The following ARHGAP29 variants were observed in gnomAD, a reference collection of about 807,000 sequenced individuals.
ARHGAP29 encodes rho GTPase-activating protein 29.
A neutral mutation model predicts 122.6 loss-of-function variants in ARHGAP29; 43 were observed. That is an observed-to-expected ratio of 0.35 (90% CI 0.27 to 0.45). The LOEUF is 0.45. Ranked by LOEUF, ARHGAP29 falls within the 20% of genes least tolerant of loss-of-function variation. The pLI is 1.00. For missense variants in ARHGAP29, 1,303 were observed against 1,477.2 expected (o/e 0.88, Z 1.93); for synonymous variants, 506 against 497.1 (o/e 1.02, Z -0.24).
At chr1:94,292,003 T>G in the ARHGAP29 span, among the ~76,000 whole-genome samples, 1 of 152,196 alleles carries the variant, frequency 6.6e-6, no homozygotes, top group African/African-American at 2.4e-5. Flanking sequence ...TGGCCTGCCT[T>G]GCTAGGTTGG....
intron 12 of ARHGAP29, among the ~76,000 whole-genome samples, chr1:94,197,915 C>A (rs927837025): frequency 6.6e-6 from 1 of 152,182 alleles, no homozygotes; most frequent in African/African-American, 2.4e-5. Context: ...GAGTGCTTTT[C>A]CCCTAAGATG....
At chr1:94,189,617 T>TG (rs1304131890) in intron 13 of ARHGAP29, among the ~76,000 whole-genome samples, 3 of 152,166 alleles carry the variant, frequency 2.0e-5, no homozygotes, top group Non-Finnish European at 4.4e-5. Context: ...TTTTCTAGCA[T>TG]GACCTCTGTG....
intron 1 of ARHGAP29, among the ~76,000 whole-genome samples, chr1:94,272,967 G>A (rs1655047152): frequency 6.6e-6 from 1 of 152,198 alleles, no homozygotes; most frequent in Admixed American, 6.5e-5. Flanking sequence ...AACTTAGCAT[G>A]TAAATGTCCC....
Position 94,171,071 on chromosome 1 carries a change from CTGACTA to C in ARHGAP29, c.*2792_*2797del, listed in dbSNP as rs1224151947. Among the ~76,000 whole-genome samples, 1 of 152,150 alleles carries C rather than the reference CTGACTA, an allele frequency of 6.6e-6. No individual in the cohort carries two copies. The highest frequency in any genetic ancestry group is 1.9e-4 in the East Asian group (1 of 5,192). On this transcript the variant is annotated 3_prime_UTR_variant, in exon 23 of 23. Transcript: ENST00000260526. The stretch of plus-strand genomic sequence containing the variant: ...GGAAAGAAAAACCCACAGAATTCCA[CTGACTA>C]TAAGTTATTTAACAATATACAATGG...
At chr1:94,304,378 A>T in the ARHGAP29 span, among the ~76,000 whole-genome samples, 109 of 152,248 alleles carry the variant, frequency 7.2e-4, no homozygotes, top group African/African-American at 2.6e-3. Flanking sequence ...GGGCTCAAGA[A>T]ATCCTCCTGC....
At chr1:94,289,292 T>C in the ARHGAP29 span, among the ~76,000 whole-genome samples, 1 of 152,312 alleles carries the variant, frequency 6.6e-6, no homozygotes, top group South Asian at 2.1e-4. Flanking sequence ...TCTCTGTTTG[T>C]CTGTTCTTGG....
At chr1:94,219,476 C>T (rs1192572601) in intron 3 of ARHGAP29, among the ~76,000 whole-genome samples, 3 of 152,154 alleles carry the variant, frequency 2.0e-5, no homozygotes, top group African/African-American at 4.8e-5. Flanking sequence ...CAACCTGTGT[C>T]GTTCTGTCAA....
At chr1:94,258,670 G>A (rs1654451583) in intron 1 of ARHGAP29, among the ~76,000 whole-genome samples, 1 of 152,140 alleles carries the variant, frequency 6.6e-6, no homozygotes, top group Non-Finnish European at 1.5e-5. Flanking sequence ...GTTGTTCAAG[G>A]CCTTAGTAAT....
chr1:94,186,673 G>T, intron 15 of ARHGAP29, 76 bp from the exon 16 acceptor site: 1 of 1,059,796 alleles, frequency 9.4e-7, no homozygotes, highest in Non-Finnish European at 1.4e-6. Context: ...CAACACTTTT[G>T]AAATAACACG....
intron 15 of ARHGAP29, 90 bp downstream of exon 15, chr1:94,188,747 T>C: frequency 9.3e-7 from 1 of 1,079,860 alleles, no homozygotes; most frequent in East Asian, 2.4e-5. Flanking sequence ...TGTGTGAAAG[T>C]TCACTATAAA....
Position 94,173,633 on chromosome 1 carries a change from C to T in ARHGAP29, c.*236G>A. ...AAAATACGAATCCACCTATCTTATT[C>T]ACAACTTTAAAAATACAGAATTTAA... On this transcript the variant is annotated 3_prime_UTR_variant, in exon 23 of 23. Coordinates refer to ENST00000260526, the MANE Select transcript of ARHGAP29 (RefSeq NM_004815.4). 1 of 444,278 alleles carries T rather than the reference C, an allele frequency of 2.3e-6. No homozygotes were observed. Among genetic ancestry groups the T allele is most frequent in the Non-Finnish European group, 3.9e-6 (1 of 256,568 alleles). The allele number at this position is 444,278 out of a possible 1,614,324, so 27.5% of individuals were successfully genotyped here.
intron 1 of ARHGAP29, among the ~76,000 whole-genome samples, chr1:94,273,415 C>G (rs977247535): frequency 1.3e-5 from 2 of 152,198 alleles, no homozygotes; most frequent in Non-Finnish European, 2.9e-5. Flanking sequence ...AAAAGATACC[C>G]TTGGAAATTC....
At chr1:94,291,529 A>G in the ARHGAP29 span, among the ~76,000 whole-genome samples, 1 of 152,078 alleles carries the variant, frequency 6.6e-6, no homozygotes, top group African/African-American at 2.4e-5. Flanking sequence ...GTTAATTGAT[A>G]TAGTTTCTTT....
chr1:94,231,385 T>A, intron 2 of ARHGAP29, 22 bp downstream of exon 2: 1 of 1,593,184 alleles, frequency 6.3e-7, no homozygotes, highest in Non-Finnish European at 8.6e-7. Context: ...CCAGCAAGAA[T>A]GCTAATAGAA....
rs567670650 is a variant in ARHGAP29, at chr1:94,177,985, C to A, written c.2663G>T (p.Gly888Val). Residue 888 changes from glycine (G) to valine (V), a missense_variant, in exon 21 of 23, where the codon GGG becomes GTG. Gly to Val is a moderately radical substitution (Grantham distance 109, BLOSUM62 -3). This residue lies in a region of ARHGAP29 where 620 missense variants were observed against 651.2 expected (regional missense o/e 0.95). Coordinates refer to ENST00000260526, the MANE Select transcript of ARHGAP29 (RefSeq NM_004815.4). ...LITYSQKIFD[G>V]SLQPQDVMCS... ...CATAACATCTTGTGGTTGTAGGGAC[C>A]CATCGAAGATCTTCTGTGAGTAAGT... is the stretch of plus-strand genomic sequence containing the variant. 6.2e-6 allele frequency: 10 copies of A among 1,614,058 alleles called. No homozygotes were observed. The highest frequency in any genetic ancestry group is 8.5e-6 in the Non-Finnish European group (10 of 1,180,010).
chr1:94,204,942 TATTC>T (rs1651098323), intron 7 of ARHGAP29, 115 bp downstream of exon 7: 1 of 1,007,392 alleles, frequency 9.9e-7, no homozygotes. Context: ...ATAATGGTTT[TATTC>T]ATTATAATGA....
At chr1:94,209,393 A>C (rs1275414581) in intron 3 of ARHGAP29, 43 bp from the exon 4 acceptor site, 12 of 1,218,034 alleles carry the variant, frequency 9.9e-6, no homozygotes, top group Non-Finnish European at 1.4e-5. Flanking sequence ...ACATACTTTA[A>C]ACTAGATTTA....
At chr1:94,185,304 A>G in intron 17 of ARHGAP29, 38 bp downstream of exon 17, 1 of 1,518,052 alleles carries the variant, frequency 6.6e-7, no homozygotes, top group Non-Finnish European at 8.8e-7. Flanking sequence ...TAAAACAAAA[A>G]GCATAAAAGG....
At position 94,177,867 on chromosome 1, in the gene ARHGAP29, A is replaced by G. The variant is rs761807310; in HGVS notation, c.2781T>C (p.Phe927=). 1.6e-5 allele frequency: 26 copies of G among 1,607,876 alleles called. No individual in the cohort carries two copies. The highest frequency in any genetic ancestry group is 3.4e-5 in the Admixed American group (2 of 58,812). The change falls in exon 21 of 23, where the codon TTT becomes TTC. Residue 927 remains phenylalanine, a synonymous_variant. Coordinates refer to ENST00000260526, the MANE Select transcript of ARHGAP29 (RefSeq NM_004815.4). ...TCAAACTCACTTCCTTTGAAGAAAA[A>G]AATAGTGACTTCATGGAACGTTCAA... is the stretch of plus-strand genomic sequence containing the variant. ...RDIERSMKSL[F]FSSKEDIHTS...
Sources: gnomAD v4.1 joint callset for allele counts (sites outside exome capture counted in the v4.1 genomes callset) on GRCh38, gnomAD v4.1.1 for gene constraint, gnomAD v4.1.1 regional missense constraint, MANE v1.5 for transcripts, NCBI Gene and HGNC (gene_info 2026-07-23, HGNC 2026-07-21) for gene names.